The following MARCHF10 variants were observed in gnomAD, a reference collection of about 807,000 sequenced individuals.
MARCHF10 encodes the protein membrane associated ring-CH-type finger 10, also known as probable E3 ubiquitin-protein ligase MARCHF10.
Under a neutral mutation model 76.2 loss-of-function variants are expected in MARCHF10, and 64 were observed. The ratio of observed to expected loss-of-function variants is 0.84; its 90% CI spans 0.69 to 1.03. The LOEUF (loss-of-function observed/expected upper bound fraction) is 1.03. MARCHF10 is among the 50% of genes least tolerant of loss of function. MARCHF10 has a pLI of 0.00. For missense variants in MARCHF10, 875 were observed against 958.0 expected (o/e 0.91, Z 1.14); for synonymous variants, 340 against 357.5 (o/e 0.95, Z 0.55).
At chr17:62,787,573 T>C (rs2092767134) in intron 3 of MARCHF10, among the ~76,000 whole-genome samples, 1 of 152,220 alleles carries the variant, frequency 6.6e-6, no homozygotes, top group African/African-American at 2.4e-5. Flanking sequence ...AATTATTAGA[T>C]AAGATCTTAA....
chr17:62,736,581 A>C lies in MARCHF10; in HGVS notation c.1287T>G (p.His429Gln). The change falls in exon 6 of 11, where the codon CAT (histidine) becomes CAG (glutamine). Residue 429 changes from histidine (H) to glutamine (Q), a missense_variant. His to Gln is a conservative substitution (Grantham distance 24, BLOSUM62 0). Transcript: ENST00000311269. ...NVWSDCISVE[H>Q]RPGTHDSEGY... ...CTTCAGAATCATGGGTGCCAGGCCT[A>C]TGTTCCACAGAAATACAATCACTCC... 6.2e-7 allele frequency: 1 copy of C among 1,614,194 alleles called. No individual in the cohort carries two copies. The highest frequency in any genetic ancestry group is 8.5e-7 in the Non-Finnish European group (1 of 1,180,022).
At chr17:62,705,675 TC>T in intron 9 of MARCHF10, 94 bp from the exon 10 acceptor site, 1 of 1,469,438 alleles carries the variant, frequency 6.8e-7, no homozygotes, top group Non-Finnish European at 9.4e-7. Flanking sequence ...GTTCTAGGAA[TC>T]CCTTACACCA....
intron 4 of MARCHF10, 60 bp from the exon 5 acceptor site, chr17:62,744,588 A>G: frequency 5.7e-6 from 9 of 1,586,630 alleles, no homozygotes; most frequent in Non-Finnish European, 7.7e-6. Flanking sequence ...TCTTCCATAT[A>G]AAGAACGTTC....
chr17:62,713,671 G>A (rs1395931269), intron 8 of MARCHF10, among the ~76,000 whole-genome samples: 1 of 152,182 alleles, frequency 6.6e-6, no homozygotes, highest in Non-Finnish European at 1.5e-5. Flanking sequence ...GAGTTCCACC[G>A]CACTTGGCTG....
chr17:62,726,345 G>C (rs1568117571), intron 6 of MARCHF10, among the ~76,000 whole-genome samples: 1 of 152,250 alleles, frequency 6.6e-6, no homozygotes, highest in Non-Finnish European at 1.5e-5. Flanking sequence ...CATTGCTCTG[G>C]ATGGAGAAAT....
chr17:62,757,900 C>T (rs1032612930), intron 4 of MARCHF10, among the ~76,000 whole-genome samples: 3 of 152,172 alleles, frequency 2.0e-5, no homozygotes, highest in African/African-American at 7.2e-5. Flanking sequence ...TTAATTCCTC[C>T]TTTTTGTCAG....
intron 5 of MARCHF10, among the ~76,000 whole-genome samples, chr17:62,741,061 T>C (rs2091487225): frequency 6.6e-6 from 1 of 152,232 alleles, no homozygotes; most frequent in Admixed American, 6.5e-5. Flanking sequence ...TTTGAATTTA[T>C]AACCCAGGGC....
At chr17:62,737,584 C>T (rs879845770) in intron 5 of MARCHF10, 9 of 482,936 alleles carry the variant, frequency 1.9e-5, no homozygotes, top group Non-Finnish European at 2.2e-5. Flanking sequence ...ATTCTTTCTG[C>T]AGAAGCTCCC....
chr17:62,742,683 TTCC>T (rs2091556752), intron 5 of MARCHF10, among the ~76,000 whole-genome samples: 1 of 131,286 alleles, frequency 7.6e-6, no homozygotes, highest in Non-Finnish European at 1.7e-5. Flanking sequence ...CCTTCCTTCC[TTCC>T]TTTCTTTTTT....
At chr17:62,799,827 G>A (rs1366994951) in intron 2 of MARCHF10, among the ~76,000 whole-genome samples, 3 of 151,878 alleles carry the variant, frequency 2.0e-5, no homozygotes, top group Admixed American at 2.0e-4. Context: ...TACTTTCCCT[G>A]GGTTCATGTG....
At chr17:62,798,457 A>G (rs996490567) in intron 2 of MARCHF10, among the ~76,000 whole-genome samples, 2 of 151,872 alleles carry the variant, frequency 1.3e-5, no homozygotes, top group Non-Finnish European at 2.9e-5. Flanking sequence ...AAAAAAAAAA[A>G]AAAGAAAGCC....
intron 2 of MARCHF10, among the ~76,000 whole-genome samples, chr17:62,799,554 C>A (rs1046144304): frequency 6.6e-6 from 1 of 152,136 alleles, no homozygotes; most frequent in Non-Finnish European, 1.5e-5. Flanking sequence ...TTGAGACCAG[C>A]CTGACCAACA....
At chr17:62,723,103 A>G (rs1185079698) in intron 7 of MARCHF10, among the ~76,000 whole-genome samples, 2 of 151,720 alleles carry the variant, frequency 1.3e-5, no homozygotes, top group Non-Finnish European at 2.9e-5. Context: ...ACAGTGAGGG[A>G]GCGAGGGGCC....
At position 62,711,315 on chromosome 17, in the gene MARCHF10, C is replaced by G; in HGVS notation, c.2244G>C (p.Leu748Phe). The G allele has an allele frequency of 6.2e-7, 1 of 1,614,164 alleles. No individual in the cohort carries two copies. Among genetic ancestry groups the G allele is most frequent in the Non-Finnish European group, 8.5e-7 (1 of 1,180,018 alleles). The change falls in exon 9 of 11, where the codon TTG becomes TTC. Residue 748 changes from leucine to phenylalanine, a missense_variant. Coordinates refer to ENST00000311269, the MANE Select transcript of MARCHF10 (RefSeq NM_152598.4). The surrounding 1 kb of genome is among the most constrained non-coding windows in gnomAD (Gnocchi z 4.4). ...AGAGGTGAAGCAGCAGCACCAGGTA[C>G]AAGCCTGAATTCATCAGCTCGTTTT... Reference protein sequence around the residue: ...QAQNELMNSGLYLVLLLHLYE... With the variant: ...QAQNELMNSGFYLVLLLHLYE...
intron 8 of MARCHF10, among the ~76,000 whole-genome samples, chr17:62,719,539 C>G (rs115558043): frequency 6.6e-6 from 1 of 151,680 alleles, no homozygotes; most frequent in Non-Finnish European, 1.5e-5. Context: ...GTGTTTTTCC[C>G]CTTTGGCCTC....
chr17:62,705,662 A>C, intron 9 of MARCHF10, 81 bp from the exon 10 acceptor site: 1 of 1,545,942 alleles, frequency 6.5e-7, no homozygotes, highest in Non-Finnish European at 8.9e-7. Flanking sequence ...TAGTCGCAGC[A>C]ACGTTCTAGG....
chr17:62,717,747 C>T (rs1316651971), intron 8 of MARCHF10, among the ~76,000 whole-genome samples: 1 of 152,214 alleles, frequency 6.6e-6, no homozygotes, highest in Non-Finnish European at 1.5e-5. Flanking sequence ...CAGGACGCCT[C>T]CTCGTTCCTT....
chr17:62,744,633 T>C, intron 4 of MARCHF10, 105 bp from the exon 5 acceptor site: 1 of 1,283,170 alleles, frequency 7.8e-7, no homozygotes, highest in South Asian at 1.5e-5. Context: ...TGGGGTTAGG[T>C]GGAAGGGCAG....
At chr17:62,781,283 T>C (rs2092654014) in intron 3 of MARCHF10, among the ~76,000 whole-genome samples, 1 of 152,194 alleles carries the variant, frequency 6.6e-6, no homozygotes, top group African/African-American at 2.4e-5. Context: ...GAGCATCACT[T>C]GCAAGTATAT....
Sources: gnomAD v4.1 joint callset for allele counts (sites outside exome capture counted in the v4.1 genomes callset) on GRCh38, gnomAD v4.1.1 for gene constraint, Gnocchi (gnomAD v3.1) non-coding constraint, MANE v1.5 for transcripts, NCBI Gene and HGNC (gene_info 2026-07-23, HGNC 2026-07-21) for gene names.